Variants in PSPC1 observed in about 807,000 individuals in gnomAD.
The protein encoded by PSPC1 is paraspeckle protein 1.
Under a neutral mutation model 51.6 loss-of-function variants are expected in PSPC1, and 14 were observed. The ratio of observed to expected loss-of-function variants is 0.27; its 90% CI spans 0.18 to 0.42. The LOEUF (loss-of-function observed/expected upper bound fraction) is 0.42. Among genes scored for constraint, PSPC1 ranks in the 10% least tolerant of loss-of-function variants. PSPC1 has a pLI of 1.00. For synonymous variants in PSPC1, 193 were observed against 231.9 expected (o/e 0.83, Z 1.53); for missense variants, 406 against 701.1 (o/e 0.58, Z 4.75).
At chr13:19,730,150 A>T in intron 6 of PSPC1, 89 bp downstream of exon 6, 1 of 1,027,294 alleles carries the variant, frequency 9.7e-7, no homozygotes, top group Non-Finnish European at 1.5e-6. Context: ...AGAAAAGACT[A>T]CTGTATAAAC....
At chr13:19,693,265 T>C (rs1484917886) in intron 6 of PSPC1, among the ~76,000 whole-genome samples, 1 of 152,194 alleles carries the variant, frequency 6.6e-6, no homozygotes, top group African/African-American at 2.4e-5. Context: ...AGTGAAATCT[T>C]CCCAGTCTCC....
At chr13:19,724,850 T>A (rs1461614071) in intron 6 of PSPC1, among the ~76,000 whole-genome samples, 1 of 151,944 alleles carries the variant, frequency 6.6e-6, no homozygotes, top group Non-Finnish European at 1.5e-5. Context: ...AATACAAAAA[T>A]TACCCAGGCG....
At chr13:19,677,168 G>A (rs989814644) in intron 7 of PSPC1, among the ~76,000 whole-genome samples, 72 of 151,266 alleles carry the variant, frequency 4.8e-4, no homozygotes, top group African/African-American at 1.7e-3. Flanking sequence ...GGGAGGCAGA[G>A]CTTGCAGTGA....
chr13:19,780,838 T>A (rs1889875904), intron 1 of PSPC1, among the ~76,000 whole-genome samples: 1 of 152,228 alleles, frequency 6.6e-6, no homozygotes, highest in South Asian at 2.1e-4. Context: ...TTTTGTATCG[T>A]CCAGACAGAG....
At chr13:19,730,405 T>C (rs1883905933) in intron 5 of PSPC1, 61 bp from the exon 6 acceptor site, 2 of 1,421,252 alleles carry the variant, frequency 1.4e-6, no homozygotes, top group Non-Finnish European at 2.0e-6. Context: ...TTGGACATTT[T>C]ACTTCATGTA....
At chr13:19,753,283 CAA>C (rs1184204944) in intron 3 of PSPC1, among the ~76,000 whole-genome samples, 16 of 64,526 alleles carry the variant, frequency 2.5e-4, no homozygotes, top group Non-Finnish European at 3.8e-4. Flanking sequence ...GACTCCATCT[CAA>C]AAAAAAAAAA....
chr13:19,749,628 A>G (rs1313248832), intron 4 of PSPC1, among the ~76,000 whole-genome samples: 1 of 139,124 alleles, frequency 7.2e-6, no homozygotes, highest in Admixed American at 8.4e-5. Context: ...AAAATAAAAG[A>G]CAGTTTATCT....
chr13:19,759,073 G>A (rs757927633), intron 3 of PSPC1, among the ~76,000 whole-genome samples: 17 of 151,662 alleles, frequency 1.1e-4, no homozygotes, highest in Middle Eastern at 3.4e-3. Flanking sequence ...TCACTTGAAC[G>A]TGGGAGGTAG....
intron 6 of PSPC1, chr13:19,678,345 A>C (rs944165197): frequency 6.5e-6 from 1 of 153,548 alleles, no homozygotes. Context: ...GACCTTGATC[A>C]ATGTTCTTCA....
At chr13:19,734,998 A>AG (rs1328146985) in intron 5 of PSPC1, among the ~76,000 whole-genome samples, 1 of 28,346 alleles carries the variant, frequency 3.5e-5, no homozygotes, top group East Asian at 0.013. Context: ...ACAAACAAAC[A>AG]AACAAAAAAA....
rs1442262446 is a variant in PSPC1, at chr13:19,730,241, T to A, written c.1156A>T (p.Asn386Tyr). ...TAGTTAACTAGTAGTTTACTTACAT[T>A]TTCCATGTAGTTTGGCTTAAAGCCC... is the stretch of plus-strand genomic sequence containing the variant. ...QEGFKPNYME[N>Y]REQEMRMGDM... Residue 386 changes from asparagine to tyrosine, a missense_variant and splice_region_variant, in exon 6 of 9, where the codon AAT becomes TAT. Coordinates refer to ENST00000338910, the MANE Select transcript of PSPC1 (RefSeq NM_001354909.2). 2 of 1,612,112 alleles carry A rather than the reference T, an allele frequency of 1.2e-6. No individual in the cohort carries two copies. Among genetic ancestry groups the A allele is most frequent in the Non-Finnish European group, 8.5e-7 (1 of 1,178,566 alleles).
Position 19,692,659 on chromosome 13 carries a change from CATCA to C in PSPC1, c.1159-14840_1159-14837del, listed in dbSNP as rs1207298372. 7.9e-5 allele frequency among the ~76,000 whole-genome samples: 12 copies of C among 152,276 alleles called. No individual in the cohort carries two copies. In the East Asian group the frequency reaches 2.1e-3, roughly 27 times the overall value. On this transcript the variant is annotated intron_variant and NMD_transcript_variant, in intron 6 of 7. Transcript: ENST00000471658. ...TGCCCTCCTCTCCCTCTAGCAGCTACATCAATCACCTCACCATCGACCCTGAACA... is the reference window on the plus strand; with the variant it reads ...TGCCCTCCTCTCCCTCTAGCAGCTACATCACCTCACCATCGACCCTGAACA...
intron 4 of PSPC1, among the ~76,000 whole-genome samples, chr13:19,748,833 G>A (rs1449477205): frequency 4.0e-5 from 6 of 150,144 alleles, no homozygotes; most frequent in African/African-American, 1.2e-4. Context: ...GGTAACCACA[G>A]AGCCCAGGAA....
intron 6 of PSPC1, among the ~76,000 whole-genome samples, chr13:19,692,371 C>T (rs1002141615): frequency 6.6e-6 from 1 of 152,128 alleles, no homozygotes; most frequent in African/African-American, 2.4e-5. Flanking sequence ...CCACCTTGAC[C>T]TCCCAAAGTG....
downstream of PSPC1, among the ~76,000 whole-genome samples, chr13:19,698,215 G>A (rs1213810648): frequency 6.6e-6 from 1 of 151,590 alleles, no homozygotes; most frequent in African/African-American, 2.4e-5. Context: ...TACATGAGAT[G>A]TACAATATAT....
chr13:19,671,260 A>C (rs1328745288), downstream of PSPC1: 3 of 1,613,862 alleles, frequency 1.9e-6, no homozygotes, highest in Non-Finnish European at 2.5e-6. Context: ...TAAACTCTTC[A>C]TAAGGTTGAC....
At chr13:19,684,194 T>C (rs1456919906) in intron 6 of PSPC1, among the ~76,000 whole-genome samples, 4 of 152,202 alleles carry the variant, frequency 2.6e-5, no homozygotes, top group African/African-American at 9.6e-5. Flanking sequence ...AATTATCTTC[T>C]TGTGATCACA....
intron 4 of PSPC1, among the ~76,000 whole-genome samples, chr13:19,744,069 T>C (rs940782238): frequency 6.6e-6 from 1 of 152,070 alleles, no homozygotes; most frequent in East Asian, 1.9e-4. Flanking sequence ...GGTCACACCA[T>C]TGCACTCCAG....
At chr13:19,778,264 T>TA (rs1302023718) in intron 1 of PSPC1, among the ~76,000 whole-genome samples, 1 of 150,448 alleles carries the variant, frequency 6.6e-6, no homozygotes, top group Non-Finnish European at 1.5e-5. Context: ...TACACTATCT[T>TA]AAAGGTTTTA....
Sources: allele counts gnomAD v4.1 joint callset (sites outside exome capture counted in the v4.1 genomes callset), GRCh38; gene constraint gnomAD v4.1.1; transcripts MANE v1.5; gene names NCBI Gene and HGNC (gene_info 2026-07-23, HGNC 2026-07-21).